Variants in PCDHAC1 observed in about 807,000 individuals in gnomAD.
The protein encoded by PCDHAC1 is protocadherin alpha subfamily C, 1.
PCDHAC1 carries 42 observed loss-of-function variants against 60.0 expected under a neutral mutation model. The observed-to-expected ratio is 0.70, with a 90% CI of 0.55 to 0.90. PCDHAC1 has a LOEUF of 0.90. Among genes scored for constraint, PCDHAC1 ranks in the 40% least tolerant of loss-of-function variants. The pLI is 0.00. For synonymous variants in PCDHAC1, 468 were observed against 499.3 expected, an observed-to-expected ratio of 0.94 and a Z score of 0.84; for missense variants, 1,160 against 1,222.3, an observed-to-expected ratio of 0.95 and a Z score of 0.76.
At chr5:140,959,935 T>C (rs2095518080) in intron 1 of PCDHAC1, among the ~76,000 whole-genome samples, 2 of 152,178 alleles carry the variant, frequency 1.3e-5, no homozygotes, top group African/African-American at 4.8e-5. Context: ...CCCCATTACT[T>C]AGGCAGAATA....
intron 3 of PCDHAC1, among the ~76,000 whole-genome samples, chr5:140,995,493 G>T (rs1427672474): frequency 6.6e-6 from 1 of 152,148 alleles, no homozygotes; most frequent in Non-Finnish European, 1.5e-5. Flanking sequence ...TCAGACTAAG[G>T]TTGACTGTGG....
intron 1 of PCDHAC1, among the ~76,000 whole-genome samples, chr5:140,947,906 A>G (rs2153681662): frequency 6.6e-6 from 1 of 151,710 alleles, no homozygotes; most frequent in South Asian, 2.1e-4. Flanking sequence ...GTGAGAGCAG[A>G]CATTCTTGCC....
chr5:140,979,241 G>A (rs766062040), intron 2 of PCDHAC1, among the ~76,000 whole-genome samples: 4 of 152,150 alleles, frequency 2.6e-5, no homozygotes, highest in Non-Finnish European at 5.9e-5. Context: ...CACAGAAACA[G>A]GCTGCTATGT....
At chr5:140,987,439 A>G (rs1407783928) in intron 3 of PCDHAC1, among the ~76,000 whole-genome samples, 18 of 152,154 alleles carry the variant, frequency 1.2e-4, no homozygotes, top group African/African-American at 3.9e-4. Flanking sequence ...GCCTTTCCCC[A>G]TGCCCGAGAG....
intron 1 of PCDHAC1, among the ~76,000 whole-genome samples, chr5:140,975,576 C>G (rs1170899911): frequency 6.6e-6 from 1 of 152,208 alleles, no homozygotes; most frequent in Non-Finnish European, 1.5e-5. Flanking sequence ...TATATGCAGT[C>G]TCATGTCCCA....
intron 3 of PCDHAC1, among the ~76,000 whole-genome samples, chr5:141,000,395 CTATATA>C (rs1190667031): frequency 5.7e-4 from 31 of 53,962 alleles, no homozygotes; most frequent in Admixed American, 2.5e-3. Flanking sequence ...CTCTCTCTCT[CTATATA>C]TATATATATA....
At position 140,977,800 on chromosome 5, in the gene PCDHAC1, T is replaced by G. The variant is rs572772764; in HGVS notation, c.2434-1149T>G. On this transcript the variant is annotated intron_variant, in intron 1 of 3. Coordinates refer to ENST00000253807, the MANE Select transcript of PCDHAC1 (RefSeq NM_018898.5). Reference sequence around the variant, plus strand: ...AAAGGAACTATATGAATGATAGGAATAAGAATTATTGACAGTTTTGAATGG... The same window carrying G: ...AAAGGAACTATATGAATGATAGGAAGAAGAATTATTGACAGTTTTGAATGG... Among the ~76,000 whole-genome samples, 3 of 152,356 alleles carry G rather than the reference T, an allele frequency of 2.0e-5. No individual in the cohort carries two copies. In the East Asian group the frequency reaches 5.8e-4, roughly 29 times the overall value.
intron 3 of PCDHAC1, among the ~76,000 whole-genome samples, chr5:140,997,147 A>G (rs545988847): frequency 5.9e-5 from 9 of 152,134 alleles, no homozygotes; most frequent in African/African-American, 2.2e-4. Context: ...CCCCCGCCAC[A>G]GTGACATCCT....
intron 1 of PCDHAC1, chr5:140,967,835 G>T: frequency 6.2e-7 from 1 of 1,614,142 alleles, no homozygotes; most frequent in Non-Finnish European, 8.5e-7. Flanking sequence ...GGACATCGTG[G>T]ACGTGAATGA....
At chr5:141,008,843 G>A (rs1474787733) in intron 3 of PCDHAC1, among the ~76,000 whole-genome samples, 7 of 152,114 alleles carry the variant, frequency 4.6e-5, no homozygotes, top group Non-Finnish European at 1.0e-4. Context: ...CTTACGCTGT[G>A]TATTCCCATC....
chr5:140,969,339 A>AGTG (rs782647003), intron 1 of PCDHAC1: 3 of 1,613,948 alleles, frequency 1.9e-6, no homozygotes, highest in African/African-American at 2.7e-5. Flanking sequence ...GAGGTGAGAC[A>AGTG]GTGGTCAGGG....
chr5:140,966,925 A>C (rs782069766), intron 1 of PCDHAC1: 1 of 1,603,462 alleles, frequency 6.2e-7, no homozygotes, highest in Non-Finnish European at 8.5e-7. Context: ...AGGAGCAGGC[A>C]CCCGGCGCGC....
chr5:140,926,635 C>A lies in PCDHAC1; in HGVS notation c.-258C>A. 1 of 442,720 alleles carries A rather than the reference C, an allele frequency of 2.3e-6. No homozygotes were observed. The highest frequency in any genetic ancestry group is 3.8e-6 in the Non-Finnish European group (1 of 261,688). 27.4% of individuals were successfully genotyped at this position (442,720 alleles called of 1,614,324 possible). On this transcript the variant is annotated 5_prime_UTR_variant, in exon 1 of 4. Transcript: ENST00000253807. Reference sequence around the variant, plus strand: ...CACCCCTAGGCGGCGCTGCGCTCCTCAACACCCGGCCGGCTCCGCTTTCCC... The same window carrying A: ...CACCCCTAGGCGGCGCTGCGCTCCTAAACACCCGGCCGGCTCCGCTTTCCC...
chr5:140,998,805 C>T (rs1226450562), intron 3 of PCDHAC1, among the ~76,000 whole-genome samples: 1 of 152,204 alleles, frequency 6.6e-6, no homozygotes, highest in Admixed American at 6.5e-5. Flanking sequence ...CTCAGGTGAT[C>T]TGCCTGCCTT....
In PCDHAC1 at chr5:141,010,024, T is replaced by A; in HGVS notation, c.*87T>A. 7.6e-6 allele frequency: 12 copies of A among 1,572,358 alleles called. No individual in the cohort carries two copies. Among genetic ancestry groups the A allele is most frequent in the Non-Finnish European group, 1.0e-5 (12 of 1,163,296 alleles). On this transcript the variant is annotated 3_prime_UTR_variant, in exon 4 of 4. Coordinates refer to ENST00000253807, the MANE Select transcript of PCDHAC1 (RefSeq NM_018898.5). ...GTAGCAATTCCCTGCTCCTTTTTCC[T>A]ATCTACATGAGCCCTCTTAGAGACC...
At position 140,926,557 on chromosome 5, in the gene PCDHAC1, C is replaced by G. The variant is rs2083347198; in HGVS notation, c.-336C>G. Reference sequence around the variant, plus strand: ...CAGCGTGGTGGTCGAGACCCCAGCCCGCTGCTACTGGAGACAGCACCTCTC... The same window carrying G: ...CAGCGTGGTGGTCGAGACCCCAGCCGGCTGCTACTGGAGACAGCACCTCTC... On this transcript the variant is annotated 5_prime_UTR_variant, in exon 1 of 4. Coordinates refer to ENST00000253807, the MANE Select transcript of PCDHAC1 (RefSeq NM_018898.5). 4.1e-6 allele frequency: 1 copy of G among 241,254 alleles called. No individual in the cohort carries two copies. The allele number at this position is 241,254 out of a possible 1,614,324, so 14.9% of individuals were successfully genotyped here.
intron 1 of PCDHAC1, among the ~76,000 whole-genome samples, chr5:140,959,620 G>GA (rs1247214459): frequency 4.6e-5 from 7 of 151,966 alleles, no homozygotes; most frequent in African/African-American, 1.4e-4. Context: ...GCTTGTGATA[G>GA]AAAAAAAGAG....
At position 141,010,458 on chromosome 5, in the gene PCDHAC1, T is replaced by C. The variant is rs2098417373; in HGVS notation, c.*521T>C. The C allele has an allele frequency of 1.1e-6, 1 of 871,194 alleles. No individual in the cohort carries two copies. The highest frequency in any genetic ancestry group is 1.7e-6 in the Non-Finnish European group (1 of 592,130). 54.0% of individuals were successfully genotyped at this position (871,194 alleles called of 1,614,324 possible). On this transcript the variant is annotated 3_prime_UTR_variant, in exon 4 of 4. Coordinates refer to ENST00000253807, the MANE Select transcript of PCDHAC1 (RefSeq NM_018898.5). ...AAAGACAAATAAACAGCGGAAGTTA[T>C]CAGTATGGAGGGGAAGTGTAAACTT...
chr5:140,950,919 T>TCCACA (rs1554219687), intron 1 of PCDHAC1, among the ~76,000 whole-genome samples: 4 of 152,198 alleles, frequency 2.6e-5, no homozygotes, highest in African/African-American at 9.6e-5. Context: ...TTTATTTCAG[T>TCCACA]TCTTTTTCTT....
Sources: gnomAD v4.1 joint callset for allele counts (sites outside exome capture counted in the v4.1 genomes callset) on GRCh38, gnomAD v4.1.1 for gene constraint, MANE v1.5 for transcripts, NCBI Gene and HGNC (gene_info 2026-07-23, HGNC 2026-07-21) for gene names.